The following ANKRD10 variants were observed in gnomAD, a reference collection of about 807,000 sequenced individuals.
ANKRD10 encodes the protein ankyrin repeat domain 10.
ANKRD10 carries 14 observed loss-of-function variants against 27.0 expected under a neutral mutation model. The observed-to-expected ratio is 0.52, with a 90% CI of 0.34 to 0.81. ANKRD10 has a LOEUF of 0.81. Ranked by LOEUF, ANKRD10 falls within the 40% of genes least tolerant of loss-of-function variation. The probability of loss-of-function intolerance (pLI) is 0.01; values close to 1 mark genes in which losing one functional copy is unlikely to be tolerated. For synonymous variants in ANKRD10, 250 were observed against 224.5 expected (o/e 1.11, Z -1.01); for missense variants, 493 against 544.0 (o/e 0.91, Z 0.93).
At chr13:110,890,527 A>C (rs2065047038) in intron 4 of ANKRD10, among the ~76,000 whole-genome samples, 1 of 152,244 alleles carries the variant, frequency 6.6e-6, no homozygotes, top group South Asian at 2.1e-4. Flanking sequence ...AACCATCAGA[A>C]GTTCCAGGAA....
At chr13:110,905,161 G>C (rs2138875242) in intron 3 of ANKRD10, 1 of 152,144 alleles carries the variant, frequency 6.6e-6, no homozygotes, top group Admixed American at 6.5e-5. Flanking sequence ...TGGTTATTTT[G>C]GTTATTATAG....
rs138913654 is a variant in ANKRD10 at position 110,914,770 on chromosome 13, G to A, written c.165C>T (p.Ser55=). 1.6e-3 allele frequency: 2,569 copies of A among 1,599,270 alleles called. 3 individuals are homozygous for A. The highest frequency in any genetic ancestry group is 2.0e-3 in the Non-Finnish European group (2,370 of 1,173,554). The change falls in exon 1 of 6, where the codon TCC becomes TCT. Residue 55 remains serine, a synonymous_variant. Coordinates refer to ENST00000267339, the MANE Select transcript of ANKRD10 (RefSeq NM_017664.4). ...TPHAHLASED[S]FYGWTPVHWA... is the part of the protein sequence containing the mutation. ...AGTGCACGGGCGTCCAGCCATAGAAGGAGTCCTCAGAGGCCAGGTGGGCGT... is the reference window on the plus strand; with the variant it reads ...AGTGCACGGGCGTCCAGCCATAGAAAGAGTCCTCAGAGGCCAGGTGGGCGT...
intron 4 of ANKRD10, among the ~76,000 whole-genome samples, chr13:110,892,495 C>G (rs9521981): frequency 0.14 from 19,845 of 139,060 alleles, 1,735 homozygotes; most frequent in Middle Eastern, 0.24. Context: ...TCCTCAAGAT[C>G]AAATTATACA....
In ANKRD10 at chr13:110,915,018, G is replaced by C; in HGVS notation, c.-84C>G. 1.4e-6 allele frequency: 2 copies of C among 1,467,744 alleles called. No individual in the cohort carries two copies. The highest frequency in any genetic ancestry group is 9.0e-7 in the Non-Finnish European group (1 of 1,114,680). 90.9% of individuals were successfully genotyped at this position (1,467,744 alleles called of 1,614,324 possible). On this transcript the variant is annotated 5_prime_UTR_variant, in exon 1 of 6. Coordinates refer to ENST00000267339, the MANE Select transcript of ANKRD10 (RefSeq NM_017664.4). Reference sequence around the variant, plus strand: ...GAGAAGCCGCCGCCGCAGCACAAAGGAACGAGACTAGCGCCGCGGTCGCGT... The same window carrying C: ...GAGAAGCCGCCGCCGCAGCACAAAGCAACGAGACTAGCGCCGCGGTCGCGT...
chr13:110,897,132 ACT>A (rs939501047), intron 3 of ANKRD10, among the ~76,000 whole-genome samples: 1 of 151,882 alleles, frequency 6.6e-6, no homozygotes, highest in African/African-American at 2.4e-5. Context: ...TCTAGTAACC[ACT>A]GTTTTTTAAA....
rs761696228 is a variant in ANKRD10 at position 110,906,060 on chromosome 13, G to T, written c.428C>A (p.Ala143Asp). ...GACGTGAGCCCCATTCGCCACAAGGGCACTGATGCATTCTAGGCTCCCAGA... is the reference window on the plus strand; with the variant it reads ...GACGTGAGCCCCATTCGCCACAAGGTCACTGATGCATTCTAGGCTCCCAGA... Reference protein sequence around the residue: ...ARSGSLECISALVANGAHVDL... With the variant: ...ARSGSLECISDLVANGAHVDL... Residue 143 changes from alanine to aspartate, a missense_variant, in exon 3 of 6, where the codon GCC becomes GAC. Physicochemically the swap from Ala to Asp is moderately radical, Grantham distance 126 (BLOSUM62 -2). Coordinates refer to ENST00000267339, the MANE Select transcript of ANKRD10 (RefSeq NM_017664.4). 2 of 1,603,040 alleles carry T rather than the reference G, an allele frequency of 1.2e-6. No individual in the cohort carries two copies. Among genetic ancestry groups the T allele is most frequent in the Non-Finnish European group, 1.7e-6 (2 of 1,173,958 alleles).
At chr13:110,880,169 T>A (rs935080679) in intron 5 of ANKRD10, 57 bp from the exon 6 acceptor site, 2 of 1,395,366 alleles carry the variant, frequency 1.4e-6, no homozygotes, top group Non-Finnish European at 2.0e-6. Context: ...GAGGAGAAAC[T>A]ATAAAATGCT....
At position 110,892,901 on chromosome 13, in the gene ANKRD10, C is replaced by A; in HGVS notation, c.691+127G>T. 2.7e-6 allele frequency: 4 copies of A among 1,464,176 alleles called. No homozygotes were observed. The South Asian group carries it at 5.8e-5, about 21-fold the overall frequency. 90.7% of individuals were successfully genotyped at this position (1,464,176 alleles called of 1,614,324 possible). A position where few individuals can be genotyped will look rare whatever the true frequency, so the allele number is the denominator to read the frequency against. The stretch of plus-strand genomic sequence containing the variant: ...AGGAGAAATCTCCACCGTCACCGCA[C>A]AATCCACCAGGCGCATTACCACCTG... On this transcript the variant is annotated intron_variant, in intron 4 of 5. Transcript: ENST00000267339.
At chr13:110,910,376 G>GCTATAACCAGGCTCCTTTAATTACCA (rs2065659846) in intron 2 of ANKRD10, among the ~76,000 whole-genome samples, 1 of 152,094 alleles carries the variant, frequency 6.6e-6, no homozygotes, top group South Asian at 2.1e-4. Context: ...CTATAACCTT[G>GCTATAACCAGGCTCCTTTAATTACCA]GGCACATCAC....
rs973843956 is a variant in ANKRD10, at chr13:110,905,019, G to T, written c.455+1014C>A. ...CAAAGCAATGAAATGGAAACCAAAGGGTTAAACTAGTTTTGTGGGTTTTAT... is the reference window on the plus strand; with the variant it reads ...CAAAGCAATGAAATGGAAACCAAAGTGTTAAACTAGTTTTGTGGGTTTTAT... On this transcript the variant is annotated intron_variant, in intron 3 of 5. Transcript: ENST00000267339. 3 of 152,158 alleles carry T rather than the reference G, an allele frequency of 2.0e-5. No individual in the cohort carries two copies. The East Asian group carries it at 5.8e-4, about 29-fold the overall frequency. The allele number at this position is 152,158 out of a possible 1,614,324, so 9.4% of individuals were successfully genotyped here.
intron 2 of ANKRD10, among the ~76,000 whole-genome samples, chr13:110,907,333 G>A (rs942704657): frequency 1.3e-5 from 2 of 152,166 alleles, no homozygotes; most frequent in Non-Finnish European, 2.9e-5. Flanking sequence ...TACTCACACT[G>A]CAACCTCACT....
At chr13:110,893,625 C>T (rs1276877970) in intron 3 of ANKRD10, among the ~76,000 whole-genome samples, 4 of 152,180 alleles carry the variant, frequency 2.6e-5, no homozygotes, top group Admixed American at 6.5e-5. Context: ...ATTCCTTTAG[C>T]GTGAATAAAA....
intron 3 of ANKRD10, chr13:110,894,663 TGA>T (rs2065181430): frequency 6.6e-6 from 1 of 152,320 alleles, no homozygotes; most frequent in African/African-American, 2.4e-5. Context: ...AAAAGAGAAT[TGA>T]GAATCTCAGA....
intron 2 of ANKRD10, 91 bp from the exon 3 acceptor site, chr13:110,906,215 CT>C (rs1411722171): frequency 9.2e-6 from 9 of 977,308 alleles, no homozygotes; most frequent in Non-Finnish European, 1.4e-5. Flanking sequence ...CAGAGACCTT[CT>C]CATCCTTTTT....
chr13:110,883,972 G>C (rs2064867249), intron 4 of ANKRD10, among the ~76,000 whole-genome samples, 179 bp from the exon 5 acceptor site: 1 of 152,114 alleles, frequency 6.6e-6, no homozygotes, highest in Non-Finnish European at 1.5e-5. Flanking sequence ...CAATCAAAAA[G>C]ATTTCTTGAC....
At chr13:110,900,736 C>G in intron 3 of ANKRD10, 1 of 1,290,970 alleles carries the variant, frequency 7.7e-7, no homozygotes, top group Non-Finnish European at 1.0e-6. Flanking sequence ...GATTCAGAAT[C>G]TTCTGTGTGA....
chr13:110,899,193 C>T (rs1395161185), intron 3 of ANKRD10: 2 of 152,254 alleles, frequency 1.3e-5, no homozygotes, highest in Non-Finnish European at 2.9e-5. Context: ...TTCATCCGGA[C>T]TGTGTTTACA....
intron 3 of ANKRD10, among the ~76,000 whole-genome samples, chr13:110,897,107 G>A (rs1381738032): frequency 2.0e-5 from 3 of 151,824 alleles, no homozygotes; most frequent in East Asian, 3.9e-4. Context: ...GGTAACACTA[G>A]AATTTATCTT....
chr13:110,891,782 A>C (rs1164522709), intron 4 of ANKRD10, among the ~76,000 whole-genome samples: 1 of 151,796 alleles, frequency 6.6e-6, no homozygotes. Flanking sequence ...CTGAGCTCAT[A>C]ATCTGCTTCA....
Sources: allele counts gnomAD v4.1 joint callset (sites outside exome capture counted in the v4.1 genomes callset), GRCh38; gene constraint gnomAD v4.1.1; transcripts MANE v1.5; gene names NCBI Gene and HGNC (gene_info 2026-07-23, HGNC 2026-07-21).